The following ADGRL3 variants were observed in gnomAD, a reference collection of about 807,000 sequenced individuals.
ADGRL3 encodes adhesion G protein-coupled receptor L3.
ADGRL3 carries 62 observed loss-of-function variants against 153.5 expected under a neutral mutation model. The observed-to-expected ratio is 0.40, with a 90% CI of 0.33 to 0.50. The LOEUF is 0.50. Ranked by LOEUF, ADGRL3 falls within the 20% of genes least tolerant of loss-of-function variation. The pLI, the probability that ADGRL3 is intolerant of heterozygous loss-of-function variation, is 0.47. For synonymous variants in ADGRL3, 710 were observed against 672.5 expected (o/e 1.06, Z -0.86); for missense variants, 1,641 against 1,859.4 (o/e 0.88, Z 2.16).
At chr4:61,432,372 T>C (rs2097365465) in intron 2 of ADGRL3, among the ~76,000 whole-genome samples, 2 of 152,152 alleles carry the variant, frequency 1.3e-5, no homozygotes, top group Admixed American at 1.3e-4. Flanking sequence ...GCTTTTGCTT[T>C]TGAAAGACAA....
At chr4:61,902,160 T>G (rs1427018872) in intron 11 of ADGRL3, among the ~76,000 whole-genome samples, 1 of 152,152 alleles carries the variant, frequency 6.6e-6, no homozygotes, top group East Asian at 1.9e-4. Flanking sequence ...TGTGGGCCAT[T>G]ACAGCTGGAC....
intron 1 of ADGRL3, among the ~76,000 whole-genome samples, chr4:61,336,444 C>T (rs565180224): frequency 6.6e-6 from 1 of 152,294 alleles, no homozygotes; most frequent in Non-Finnish European, 1.5e-5. Flanking sequence ...GTCTCTGCTC[C>T]TTTGTAACAT....
At chr4:61,629,712 G>T in intron 5 of ADGRL3, among the ~76,000 whole-genome samples, 1 of 92,426 alleles carries the variant, frequency 1.1e-5, no homozygotes, top group East Asian at 3.6e-4. Flanking sequence ...GCAAGACTCC[G>T]TCTCGGGGCA....
At chr4:61,432,818 T>C (rs945186643) in intron 2 of ADGRL3, among the ~76,000 whole-genome samples, 25 of 151,640 alleles carry the variant, frequency 1.6e-4, no homozygotes, top group African/African-American at 6.1e-4. Context: ...CACGCCTGGC[T>C]AATTTTGTAT....
intron 5 of ADGRL3, among the ~76,000 whole-genome samples, chr4:61,653,428 T>A (rs540658901): frequency 1.3e-5 from 2 of 152,276 alleles, no homozygotes; most frequent in African/African-American, 4.8e-5. Flanking sequence ...AAATGGAGTT[T>A]GGCTGGAAGG....
chr4:61,698,687 A>G (rs1020704790), intron 6 of ADGRL3, among the ~76,000 whole-genome samples: 16 of 152,074 alleles, frequency 1.1e-4, no homozygotes, highest in Non-Finnish European at 1.6e-4. Context: ...GACATATGTG[A>G]TTAGGTATTA....
chr4:61,355,086 G>T (rs1053467641), intron 1 of ADGRL3, among the ~76,000 whole-genome samples: 1 of 152,052 alleles, frequency 6.6e-6, no homozygotes, highest in African/African-American at 2.4e-5. Flanking sequence ...CTTATTCTAA[G>T]GCCAGTTCCT....
At chr4:61,400,554 A>G (rs1296469046) in intron 2 of ADGRL3, among the ~76,000 whole-genome samples, 1 of 151,868 alleles carries the variant, frequency 6.6e-6, no homozygotes, top group Non-Finnish European at 1.5e-5. Flanking sequence ...GTGAGGCTAT[A>G]GTAGTCACAG....
chr4:61,976,659 T>A (rs551631740), intron 17 of ADGRL3, among the ~76,000 whole-genome samples: 3 of 152,274 alleles, frequency 2.0e-5, no homozygotes, highest in Non-Finnish European at 2.9e-5. Context: ...TGATTAAGTC[T>A]CATGAGATCT....
intron 9 of ADGRL3, among the ~76,000 whole-genome samples, chr4:61,859,176 C>T (rs1282529461): frequency 2.6e-5 from 4 of 152,142 alleles, no homozygotes; most frequent in African/African-American, 9.7e-5. Flanking sequence ...ATAGAGCTGA[C>T]ATTTGAAAAG....
At chr4:61,692,078 C>T (rs1157772494) in intron 6 of ADGRL3, among the ~76,000 whole-genome samples, 2 of 152,042 alleles carry the variant, frequency 1.3e-5, no homozygotes, top group Non-Finnish European at 2.9e-5. Flanking sequence ...TTGTCTTAAT[C>T]AGAAAAGGAA....
chr4:61,763,436 A>G (rs61109141), intron 8 of ADGRL3, among the ~76,000 whole-genome samples: 13,232 of 151,888 alleles, frequency 0.087, 1,230 homozygotes, highest in African/African-American at 0.23. Context: ...CGCCTGCCTC[A>G]GCCCTCAAAG....
chr4:61,364,556 A>G (rs554298701), intron 1 of ADGRL3, among the ~76,000 whole-genome samples: 1 of 152,158 alleles, frequency 6.6e-6, no homozygotes, highest in African/African-American at 2.4e-5. Context: ...TTTCTTCCAC[A>G]GGGCTTTAAG....
At chr4:61,797,055 C>T (rs1222102944) in intron 8 of ADGRL3, among the ~76,000 whole-genome samples, 1 of 152,156 alleles carries the variant, frequency 6.6e-6, no homozygotes, top group Non-Finnish European at 1.5e-5. Context: ...TCAGGCATAG[C>T]ACCCCTTTAC....
At chr4:62,021,404 C>T (rs148465432) in intron 21 of ADGRL3, among the ~76,000 whole-genome samples, 3 of 152,052 alleles carry the variant, frequency 2.0e-5, no homozygotes, top group Non-Finnish European at 2.9e-5. Flanking sequence ...CTGGTTTGCA[C>T]GTCCATGTTT....
intron 4 of ADGRL3, among the ~76,000 whole-genome samples, chr4:61,532,575 T>TGTGTGTGTG (rs1560795184): frequency 6.7e-6 from 1 of 149,156 alleles, no homozygotes; most frequent in African/African-American, 2.5e-5. Context: ...TGTGTGTGTG[T>TGTGTGTGTG]TTAAGGAATT....
intron 6 of ADGRL3, among the ~76,000 whole-genome samples, chr4:61,701,493 G>A: frequency 7.9e-6 from 1 of 127,110 alleles, no homozygotes. Flanking sequence ...GGAGTGCAAT[G>A]ATGCAATCTT....
At chr4:61,697,786 C>T (rs12510774) in intron 6 of ADGRL3, among the ~76,000 whole-genome samples, 90,634 of 151,934 alleles carry the variant, frequency 0.6, 28,319 homozygotes, top group Non-Finnish European at 0.72. Context: ...CACCTGGATT[C>T]CTCTCTGTTC....
At chr4:61,849,548 C>T (rs1052192080) in intron 9 of ADGRL3, among the ~76,000 whole-genome samples, 1 of 151,932 alleles carries the variant, frequency 6.6e-6, no homozygotes. Flanking sequence ...CCCAAGCAGG[C>T]GTATCTTGAC....
Sources: allele counts gnomAD v4.1 joint callset (sites outside exome capture counted in the v4.1 genomes callset), GRCh38; gene constraint gnomAD v4.1.1; transcripts MANE v1.5; gene names NCBI Gene and HGNC (gene_info 2026-07-23, HGNC 2026-07-21).